The following RALYL variants were observed in gnomAD, a reference collection of about 807,000 sequenced individuals.
RALYL encodes the protein RALY RNA binding protein like.
A neutral mutation model predicts 35.1 loss-of-function variants in RALYL; 29 were observed. That is an observed-to-expected ratio of 0.83 (90% confidence interval 0.61 to 1.13). The LOEUF (loss-of-function observed/expected upper bound fraction) is 1.13. RALYL is among the 50% of genes most tolerant of loss of function. The pLI, the probability that RALYL is intolerant of heterozygous loss-of-function variation, is 0.00. For synonymous variants in RALYL, 120 were observed against 127.6 expected, an observed-to-expected ratio of 0.94 and a Z score of 0.40; for missense variants, 359 against 360.4, an observed-to-expected ratio of 1.00 and a Z score of 0.03.
chr8:84,239,043 A>T (rs956721465), intron 1 of RALYL, among the ~76,000 whole-genome samples: 2 of 152,188 alleles, frequency 1.3e-5, no homozygotes, highest in Non-Finnish European at 2.9e-5. Context: ...ATGACCTGAG[A>T]TGTGCAGCAG....
At chr8:84,530,311 TC>T (rs2059192639) in intron 2 of RALYL, among the ~76,000 whole-genome samples, 1 of 152,080 alleles carries the variant, frequency 6.6e-6, no homozygotes, top group Non-Finnish European at 1.5e-5. Flanking sequence ...AATTTATGTT[TC>T]TTGTTCTGTC....
chr8:84,798,033 G>T (rs1378509860), intron 3 of RALYL, among the ~76,000 whole-genome samples: 1 of 152,048 alleles, frequency 6.6e-6, no homozygotes, highest in Non-Finnish European at 1.5e-5. Context: ...ACACATCTAA[G>T]GTCCTGTTAG....
intron 1 of RALYL, among the ~76,000 whole-genome samples, chr8:84,239,454 C>T (rs1482969213): frequency 1.3e-5 from 2 of 152,136 alleles, no homozygotes; most frequent in Non-Finnish European, 2.9e-5. Flanking sequence ...AATGCCTAGC[C>T]GTTACATGTC....
At chr8:84,895,694 T>G (rs1178156789) in intron 8 of RALYL, among the ~76,000 whole-genome samples, 1 of 152,052 alleles carries the variant, frequency 6.6e-6, no homozygotes, top group African/African-American at 2.4e-5. Context: ...TGTATTTTAG[T>G]AGAGATGAGG....
intron 4 of RALYL, among the ~76,000 whole-genome samples, chr8:84,830,000 C>A (rs1455859376): frequency 8.8e-6 from 1 of 113,038 alleles, no homozygotes; most frequent in African/African-American, 3.5e-5. Context: ...CACATCACAG[C>A]ATTTCAGCAC....
intron 3 of RALYL, among the ~76,000 whole-genome samples, chr8:84,795,150 C>A (rs1404336670): frequency 2.0e-5 from 3 of 152,128 alleles, no homozygotes; most frequent in African/African-American, 4.8e-5. Context: ...GCATTTTACT[C>A]CAGAGAAATT....
At chr8:84,398,882 G>A (rs2042603363) in intron 1 of RALYL, among the ~76,000 whole-genome samples, 1 of 151,388 alleles carries the variant, frequency 6.6e-6, no homozygotes, top group Non-Finnish European at 1.5e-5. Context: ...GCTGAGACAG[G>A]AGAATTGCTT....
chr8:84,344,784 G>A (rs929505842), intron 1 of RALYL, among the ~76,000 whole-genome samples: 12 of 152,066 alleles, frequency 7.9e-5, no homozygotes, highest in African/African-American at 2.9e-4. Context: ...ATATCAGTGA[G>A]ATGAGTGGTA....
chr8:84,389,067 C>G (rs947181802), intron 1 of RALYL, among the ~76,000 whole-genome samples: 2 of 152,122 alleles, frequency 1.3e-5, no homozygotes, highest in Admixed American at 6.6e-5. Flanking sequence ...ATGTGGCTAG[C>G]CAGTTTTCCC....
intron 2 of RALYL, among the ~76,000 whole-genome samples, chr8:84,542,614 G>C (rs535846190): frequency 4.9e-4 from 75 of 152,094 alleles, no homozygotes; most frequent in Non-Finnish European, 9.4e-4. Context: ...ACCATGTGAG[G>C]AAGGCTGTGT....
chr8:84,392,311 G>A (rs1860873022), intron 1 of RALYL, among the ~76,000 whole-genome samples: 2 of 151,886 alleles, frequency 1.3e-5, no homozygotes, highest in African/African-American at 4.8e-5. Flanking sequence ...TCTTCATTAG[G>A]TTAATCCACT....
At chr8:84,357,197 C>T (rs182499677) in intron 1 of RALYL, among the ~76,000 whole-genome samples, 4 of 152,004 alleles carry the variant, frequency 2.6e-5, no homozygotes, top group Non-Finnish European at 4.4e-5. Flanking sequence ...TCTTAGACCT[C>T]GCTAACAAAT....
intron 3 of RALYL, among the ~76,000 whole-genome samples, chr8:84,775,602 G>C (rs979070817): frequency 6.6e-6 from 1 of 152,150 alleles, no homozygotes; most frequent in Non-Finnish European, 1.5e-5. Context: ...TGAAGTGCTT[G>C]GGTCTGAGTC....
intron 2 of RALYL, among the ~76,000 whole-genome samples, chr8:84,553,199 G>A (rs1195846697): frequency 7.9e-5 from 12 of 152,016 alleles, no homozygotes; most frequent in Admixed American, 2.0e-4. Flanking sequence ...TTGCTCTGTT[G>A]CCCAGTCCCT....
intron 2 of RALYL, among the ~76,000 whole-genome samples, chr8:84,542,521 G>T (rs1406502161): frequency 1.3e-5 from 2 of 149,598 alleles, no homozygotes; most frequent in East Asian, 3.9e-4. Context: ...ATCATGGGGG[G>T]CAGTTACCCT....
intron 2 of RALYL, among the ~76,000 whole-genome samples, chr8:84,761,678 T>C (rs1055175865): frequency 6.6e-6 from 1 of 152,168 alleles, no homozygotes; most frequent in Non-Finnish European, 1.5e-5. Flanking sequence ...CATTAATTCA[T>C]TGATTAACTC....
At chr8:84,696,990 C>G (rs943457688) in intron 2 of RALYL, among the ~76,000 whole-genome samples, 1 of 152,002 alleles carries the variant, frequency 6.6e-6, no homozygotes, top group African/African-American at 2.4e-5. Flanking sequence ...AAAATTCATT[C>G]TATTCAACTC....
intron 1 of RALYL, among the ~76,000 whole-genome samples, chr8:84,263,549 C>T (rs192671033): frequency 5.3e-4 from 80 of 152,144 alleles, no homozygotes; most frequent in African/African-American, 1.8e-3. Flanking sequence ...TAGTTGTTAA[C>T]CAAAGGTTAA....
At chr8:84,649,115 A>C (rs918265325) in intron 2 of RALYL, among the ~76,000 whole-genome samples, 3 of 152,076 alleles carry the variant, frequency 2.0e-5, no homozygotes, top group African/African-American at 7.2e-5. Context: ...TATTAGGTTC[A>C]CATAAGGATT....
Sources: allele counts gnomAD v4.1 joint callset (sites outside exome capture counted in the v4.1 genomes callset), GRCh38; gene constraint gnomAD v4.1.1; transcripts MANE v1.5; gene names NCBI Gene and HGNC (gene_info 2026-07-23, HGNC 2026-07-21).